Variants in TMEFF1 observed in about 807,000 individuals in gnomAD.
TMEFF1 encodes transmembrane protein with EGF like and two follistatin like domains 1.
A neutral mutation model predicts 47.5 loss-of-function variants in TMEFF1; 20 were observed. The ratio of observed to expected loss-of-function variants is 0.42; its 90% CI spans 0.30 to 0.61. The LOEUF is 0.61. TMEFF1 is among the 20% of genes least tolerant of loss of function. The pLI, the probability that TMEFF1 is intolerant of heterozygous loss-of-function variation, is 0.19. For synonymous variants in TMEFF1, 162 were observed against 166.3 expected, an observed-to-expected ratio of 0.97 and a Z score of 0.20; for missense variants, 411 against 471.1, an observed-to-expected ratio of 0.87 and a Z score of 1.18.
intron 1 of TMEFF1, among the ~76,000 whole-genome samples, chr9:100,486,001 G>A (rs1837440323): frequency 1.4e-5 from 2 of 148,090 alleles, no homozygotes; most frequent in South Asian, 4.2e-4. Flanking sequence ...ACTTTGGCAG[G>A]TTATTATATT....
intron 1 of TMEFF1, among the ~76,000 whole-genome samples, chr9:100,481,560 C>G (rs1837338425): frequency 6.6e-6 from 1 of 152,046 alleles, no homozygotes; most frequent in Non-Finnish European, 1.5e-5. Context: ...TCTTCAAGGC[C>G]CATCTGAAGT....
rs150607751 is a variant in TMEFF1, at chr9:100,508,865, T to G, written c.307-140T>G. On this transcript the variant is annotated intron_variant, in intron 2 of 9. Coordinates refer to ENST00000374879, the MANE Select transcript of TMEFF1 (RefSeq NM_003692.5). Reference sequence around the variant, plus strand: ...GTATGAAGAAGTAGCATAATTCTTTTTAAGCCAAAAAAAAAAAAAAACCCC... The same window carrying G: ...GTATGAAGAAGTAGCATAATTCTTTGTAAGCCAAAAAAAAAAAAAAACCCC... 2,832 of 1,123,554 alleles carry G rather than the reference T, an allele frequency of 2.5e-3. 61 individuals carry two copies. The African/African-American group carries it at 0.042, about 17-fold the overall frequency. 69.6% of individuals were successfully genotyped at this position (1,123,554 alleles called of 1,614,324 possible). A position where few individuals can be genotyped will look rare whatever the true frequency, so the allele number is the denominator to read the frequency against.
At chr9:100,506,998 A>G (rs1837875583) in intron 2 of TMEFF1, among the ~76,000 whole-genome samples, 1 of 152,112 alleles carries the variant, frequency 6.6e-6, no homozygotes, top group African/African-American at 2.4e-5. Flanking sequence ...CCTAATAGGT[A>G]GTTTTTCAGT....
chr9:100,518,684 T>G (rs1838112021), intron 5 of TMEFF1, among the ~76,000 whole-genome samples: 1 of 152,248 alleles, frequency 6.6e-6, no homozygotes, highest in Non-Finnish European at 1.5e-5. Context: ...AATCTTTTAG[T>G]CTGTAAAGCA....
At chr9:100,475,817 T>TC (rs1207069914) in intron 1 of TMEFF1, among the ~76,000 whole-genome samples, 1 of 150,256 alleles carries the variant, frequency 6.7e-6, no homozygotes, top group African/African-American at 2.5e-5. Context: ...GGCAGGAAAG[T>TC]CCCAGGGCCG....
At chr9:100,570,311 G>A (rs1469016788) in intron 8 of TMEFF1, among the ~76,000 whole-genome samples, 1 of 152,068 alleles carries the variant, frequency 6.6e-6, no homozygotes, top group Non-Finnish European at 1.5e-5. Flanking sequence ...TGAGATTGCT[G>A]GATCATATGG....
At chr9:100,535,566 TTGGAGACCAGCC>T (rs1179777884) in intron 5 of TMEFF1, among the ~76,000 whole-genome samples, 3 of 151,986 alleles carry the variant, frequency 2.0e-5, no homozygotes, top group African/African-American at 7.3e-5. Context: ...GGGTCAGGAG[TTGGAGACCAGCC>T]TGGCCAACAT....
At chr9:100,575,083 A>T (rs1025246628) in intron 9 of TMEFF1, among the ~76,000 whole-genome samples, 7 of 152,092 alleles carry the variant, frequency 4.6e-5, no homozygotes, top group Admixed American at 6.6e-5. Flanking sequence ...TTCCTCCCCT[A>T]GAATGTCTTG....
At chr9:100,563,111 C>T (rs1839053398) in intron 8 of TMEFF1, among the ~76,000 whole-genome samples, 2 of 152,250 alleles carry the variant, frequency 1.3e-5, no homozygotes, top group South Asian at 4.2e-4. Flanking sequence ...CCACCATGCC[C>T]AGCCTAATTT....
intron 1 of TMEFF1, among the ~76,000 whole-genome samples, chr9:100,495,879 C>T (rs1837642111): frequency 1.3e-5 from 2 of 152,220 alleles, no homozygotes; most frequent in Admixed American, 1.3e-4. Context: ...TGACACCTGT[C>T]TTTTTCTTCC....
chr9:100,538,551 C>T (rs944288807), intron 5 of TMEFF1, among the ~76,000 whole-genome samples: 4 of 152,220 alleles, frequency 2.6e-5, no homozygotes, highest in Non-Finnish European at 5.9e-5. Flanking sequence ...TGCTATACTG[C>T]ATTTTGCAGA....
chr9:100,479,822 T>C (rs1837306248), intron 1 of TMEFF1, among the ~76,000 whole-genome samples: 1 of 152,254 alleles, frequency 6.6e-6, no homozygotes, highest in Non-Finnish European at 1.5e-5. Flanking sequence ...ATAATGCTGC[T>C]GTAACATTCA....
chr9:100,562,718 C>A (rs953393549), intron 8 of TMEFF1, among the ~76,000 whole-genome samples: 1 of 151,570 alleles, frequency 6.6e-6, no homozygotes, highest in African/African-American at 2.4e-5. Flanking sequence ...TGCAGTGGTG[C>A]GATCTTGGCT....
At chr9:100,524,001 A>G (rs1838212879) in intron 5 of TMEFF1, among the ~76,000 whole-genome samples, 1 of 152,206 alleles carries the variant, frequency 6.6e-6, no homozygotes, top group African/African-American at 2.4e-5. Flanking sequence ...AAGCTTAAAA[A>G]GGCTCTAGAG....
At chr9:100,571,201 C>T (rs185662835) in intron 8 of TMEFF1, among the ~76,000 whole-genome samples, 114 of 152,182 alleles carry the variant, frequency 7.5e-4, no homozygotes, top group African/African-American at 2.7e-3. Flanking sequence ...GTTCAGAGGA[C>T]TGTAAATGTT....
At chr9:100,567,257 T>C (rs1199025629) in intron 8 of TMEFF1, among the ~76,000 whole-genome samples, 1 of 152,196 alleles carries the variant, frequency 6.6e-6, no homozygotes, top group Admixed American at 6.5e-5. Flanking sequence ...TTGCCTGGTA[T>C]GCTGTCCTCC....
intron 7 of TMEFF1, among the ~76,000 whole-genome samples, chr9:100,558,378 G>A (rs1838955389): frequency 7.2e-5 from 11 of 152,050 alleles, no homozygotes; most frequent in Admixed American, 7.2e-4. Context: ...TGCTATGGGA[G>A]ATGACCACTT....
intron 5 of TMEFF1, among the ~76,000 whole-genome samples, chr9:100,534,715 C>T (rs191285416): frequency 8.5e-5 from 13 of 152,270 alleles, no homozygotes; most frequent in Non-Finnish European, 5.9e-5. Flanking sequence ...TGGTACCATC[C>T]CACTAAGGAG....
At chr9:100,547,391 C>T (rs1838755869) in intron 5 of TMEFF1, among the ~76,000 whole-genome samples, 1 of 152,152 alleles carries the variant, frequency 6.6e-6, no homozygotes, top group Non-Finnish European at 1.5e-5. Flanking sequence ...CTGGTAATAA[C>T]TAGGGGTAGA....
Sources: gnomAD v4.1 joint callset for allele counts (sites outside exome capture counted in the v4.1 genomes callset) on GRCh38, gnomAD v4.1.1 for gene constraint, MANE v1.5 for transcripts, NCBI Gene and HGNC (gene_info 2026-07-23, HGNC 2026-07-21) for gene names.